The following DMD variants were observed in gnomAD, a reference collection of about 807,000 sequenced individuals.
DMD encodes the protein dystrophin.
Under a neutral mutation model 330.1 loss-of-function variants are expected in DMD, and 63 were observed. The ratio of observed to expected loss-of-function variants is 0.19; its 90% confidence interval spans 0.16 to 0.24. DMD has a LOEUF of 0.24. Among genes scored for constraint, DMD ranks in the 10% least tolerant of loss-of-function variants. DMD has a pLI of 1.00. For missense variants in DMD, 3,344 were observed against 2,684.1 expected (o/e 1.25, Z -5.43); for synonymous variants, 1,223 against 959.8 (o/e 1.27, Z -5.07).
At chrX:31,442,021 A>T (rs2064992503) in intron 60 of DMD, among the ~76,000 whole-genome samples, 1 of 112,280 alleles carries the variant, frequency 8.9e-6, no homozygotes, top group African/African-American at 3.2e-5. Flanking sequence ...TAGAGCAGAC[A>T]CCACAAACTG....
intron 52 of DMD, among the ~76,000 whole-genome samples, chrX:31,689,671 G>A (rs4574994): frequency 0.42 from 45,972 of 109,569 alleles, 7,986 homozygotes; most frequent in African/African-American, 0.62. Context: ...AGACAATCCT[G>A]AGCCAAAAGA....
intron 18 of DMD, among the ~76,000 whole-genome samples, chrX:32,508,846 T>C (rs1432237579): frequency 9.0e-6 from 1 of 111,013 alleles, no homozygotes; most frequent in East Asian, 2.8e-4. Context: ...AGTCTCGCTC[T>C]GTCGCCCAGG....
At chrX:32,420,508 T>C (rs1415322100) in intron 29 of DMD, among the ~76,000 whole-genome samples, 12 of 111,863 alleles carry the variant, frequency 1.1e-4, no homozygotes, top group Non-Finnish European at 1.9e-4. Flanking sequence ...TGAGGCCAAT[T>C]ACAGATAGGT....
intron 44 of DMD, among the ~76,000 whole-genome samples, chrX:32,090,022 G>A: frequency 1.8e-5 from 2 of 111,770 alleles, no homozygotes; most frequent in Non-Finnish European, 1.9e-5. Context: ...AAGAACAATT[G>A]GAATCTTACA....
At chrX:33,266,441 T>A (rs2053042670) in intron 1 of DMD, among the ~76,000 whole-genome samples, 1 of 111,781 alleles carries the variant, frequency 8.9e-6, no homozygotes, top group Non-Finnish European at 1.9e-5. Flanking sequence ...GCTGCAAAAG[T>A]GTTTCATTGA....
intron 1 of DMD, among the ~76,000 whole-genome samples, chrX:33,289,663 T>A (rs964853410): frequency 1.8e-5 from 2 of 111,505 alleles, no homozygotes; most frequent in African/African-American, 3.2e-5. Context: ...TCATTCAAGG[T>A]CTGTGTCCTT....
chrX:32,779,445 ATATT>A (rs1346930770), intron 7 of DMD, among the ~76,000 whole-genome samples: 1 of 110,580 alleles, frequency 9.0e-6, no homozygotes, highest in Non-Finnish European at 1.9e-5. Flanking sequence ...AATCATCTAC[ATATT>A]TAATTTTTAC....
rs186035308 is a variant in DMD at position 31,717,877 on chromosome X, C to T, written c.7660+11754G>A. ...TCAAGGACTCCCTGCCTTTCCTTTCCTCGACCAGTTCTACGTTTTTCTGAG... is the reference window on the plus strand; with the variant it reads ...TCAAGGACTCCCTGCCTTTCCTTTCTTCGACCAGTTCTACGTTTTTCTGAG... On this transcript the variant is annotated intron_variant, in intron 52 of 78. Coordinates refer to ENST00000357033, the MANE Select transcript of DMD (RefSeq NM_004006.3). Among the ~76,000 whole-genome samples, 855 of 111,846 alleles carry T rather than the reference C, an allele frequency of 7.6e-3. 4 individuals are homozygous for T. The highest frequency in any genetic ancestry group is 9.5e-3 in the Non-Finnish European group (505 of 53,146).
chrX:32,280,480 T>C (rs2097416314), intron 43 of DMD, among the ~76,000 whole-genome samples: 1 of 111,051 alleles, frequency 9.0e-6, no homozygotes, highest in Non-Finnish European at 1.9e-5. Context: ...CATATACCTA[T>C]ACCTGGGTTG....
chrX:33,144,620 G>A (rs747007269), intron 1 of DMD, among the ~76,000 whole-genome samples: 12 of 111,605 alleles, frequency 1.1e-4, no homozygotes, highest in African/African-American at 3.9e-4. Context: ...AAAGGATGAC[G>A]TAGCTTGATT....
intron 25 of DMD, among the ~76,000 whole-genome samples, chrX:32,455,114 G>T (rs2098351336): frequency 9.0e-6 from 1 of 110,888 alleles, no homozygotes; most frequent in Admixed American, 9.6e-5. Flanking sequence ...TCTGTGAATG[G>T]AGAAAAACAA....
chrX:31,291,399 A>T (rs2053684551), intron 62 of DMD, among the ~76,000 whole-genome samples: 1 of 111,891 alleles, frequency 8.9e-6, no homozygotes, highest in Non-Finnish European at 1.9e-5. Context: ...CCATTCTATA[A>T]CGGCACATGT....
At chrX:32,491,653 A>C in intron 19 of DMD, 135 bp from the exon 20 acceptor site, 1 of 618,114 alleles carries the variant, frequency 1.6e-6, no homozygotes. Flanking sequence ...ATTTTCTAAG[A>C]TATAAATGTG....
intron 2 of DMD, among the ~76,000 whole-genome samples, chrX:32,961,352 A>T (rs943571041): frequency 6.3e-5 from 7 of 111,188 alleles, no homozygotes; most frequent in Non-Finnish European, 1.1e-4. Context: ...ATTTAACCTC[A>T]GCATTCAATT....
At position 31,540,629 on chromosome X, in the gene DMD, T is replaced by C. The variant is rs140561980; in HGVS notation, c.8218-33176A>G. Among the ~76,000 whole-genome samples, 238 of 111,893 alleles carry C rather than the reference T, an allele frequency of 2.1e-3. 1 individual carries two copies. The highest frequency in any genetic ancestry group is 7.0e-3 in the African/African-American group (217 of 30,825). On this transcript the variant is annotated intron_variant, in intron 55 of 78. Coordinates refer to ENST00000357033, the MANE Select transcript of DMD (RefSeq NM_004006.3). ...CTATATTTGACTCAGGGTTGGGGAA[T>C]TGTGAAACAACCTAAATGCAGCACT...
chrX:32,456,596 G>A (rs1394157580), intron 25 of DMD, among the ~76,000 whole-genome samples: 1 of 102,948 alleles, frequency 9.7e-6, no homozygotes, highest in South Asian at 4.3e-4. Flanking sequence ...GTGTGTGTGT[G>A]TGTGTGTGTG....
At chrX:31,340,475 G>GTT (rs988317209) in intron 61 of DMD, among the ~76,000 whole-genome samples, 1 of 111,985 alleles carries the variant, frequency 8.9e-6, no homozygotes, top group Admixed American at 9.5e-5. Context: ...TGCAATAACT[G>GTT]TTTGTCTTTT....
chrX:32,258,501 A>G (rs1286168556), intron 43 of DMD, among the ~76,000 whole-genome samples: 1 of 111,297 alleles, frequency 9.0e-6, no homozygotes, highest in Admixed American at 9.6e-5. Flanking sequence ...GAATGAGTTC[A>G]TGTCCTTTGC....
intron 47 of DMD, among the ~76,000 whole-genome samples, chrX:31,882,424 C>CA (rs906478118): frequency 1.8e-5 from 2 of 109,608 alleles, no homozygotes; most frequent in East Asian, 2.8e-4. Context: ...ATGTAAAAGG[C>CA]AAAAAAATAA....
Sources: allele counts gnomAD v4.1 joint callset (sites outside exome capture counted in the v4.1 genomes callset), GRCh38; gene constraint gnomAD v4.1.1; transcripts MANE v1.5; gene names NCBI Gene and HGNC (gene_info 2026-07-23, HGNC 2026-07-21).